Variants in NPAS3 observed in about 807,000 individuals in gnomAD.
NPAS3 encodes neuronal PAS domain-containing protein 3.
A neutral mutation model predicts 73.1 loss-of-function variants in NPAS3; 14 were observed. That is an observed-to-expected ratio of 0.19 (90% CI 0.13 to 0.30). The LOEUF (loss-of-function observed/expected upper bound fraction) is 0.30. Ranked by LOEUF, NPAS3 falls within the 10% of genes least tolerant of loss-of-function variation. The probability of loss-of-function intolerance (pLI) is 1.00; values close to 1 mark genes in which losing one functional copy is unlikely to be tolerated. For missense variants in NPAS3, 1,096 were observed against 1,250.0 expected (o/e 0.88, Z 1.86); for synonymous variants, 620 against 541.5 (o/e 1.14, Z -2.01).
chr14:33,677,537 C>T (rs2039854446), intron 6 of NPAS3, among the ~76,000 whole-genome samples: 1 of 151,442 alleles, frequency 6.6e-6, no homozygotes, highest in Admixed American at 6.6e-5. Flanking sequence ...TTAAGATTAA[C>T]ATTAAAATAA....
intron 5 of NPAS3, among the ~76,000 whole-genome samples, chr14:33,668,606 A>T (rs939132568): frequency 9.9e-5 from 15 of 152,222 alleles, no homozygotes; most frequent in Non-Finnish European, 2.2e-4. Context: ...ACTTGAGGCC[A>T]GCAGTTTGAG....
Position 33,680,677 on chromosome 14 carries a change from C to CTTCAGAGAGAACT in NPAS3, c.733+4293_733+4305dup, listed in dbSNP as rs1361863389. 3 of 701,808 alleles carry CTTCAGAGAGAACT rather than the reference C, an allele frequency of 4.3e-6. No individual in the cohort carries two copies. The South Asian group carries it at 4.5e-5, about 10-fold the overall frequency. The allele number at this position is 701,808 out of a possible 1,614,324, so 43.5% of individuals were successfully genotyped here. A position where few individuals can be genotyped will look rare whatever the true frequency, so the allele number is the denominator to read the frequency against. On this transcript the variant is annotated intron_variant, in intron 6 of 11. Transcript: ENST00000356141. Reference sequence around the variant, plus strand: ...TCAGGAAGAACATGCCTGGATCCTACTTCAGAGAGAACTCAGCCAGGGCAA... The same window carrying CTTCAGAGAGAACT: ...TCAGGAAGAACATGCCTGGATCCTACTTCAGAGAGAACTTTCAGAGAGAACTCAGCCAGGGCAA...
At chr14:33,074,573 T>C (rs972137237) in intron 2 of NPAS3, among the ~76,000 whole-genome samples, 1 of 152,100 alleles carries the variant, frequency 6.6e-6, no homozygotes, top group African/African-American at 2.4e-5. Context: ...CATGCCACCA[T>C]GCCCAGCTAA....
chr14:33,218,048 A>T (rs1464299442), intron 3 of NPAS3, among the ~76,000 whole-genome samples: 1 of 152,148 alleles, frequency 6.6e-6, no homozygotes, highest in Non-Finnish European at 1.5e-5. Flanking sequence ...TATGATTAAG[A>T]TGTATAAAAA....
At chr14:33,301,323 T>TATATATATATATATATATATATA (rs1555370644) in intron 3 of NPAS3, among the ~76,000 whole-genome samples, 16 of 81,550 alleles carry the variant, frequency 2.0e-4, no homozygotes, top group African/African-American at 2.9e-4. Context: ...TATATATATA[T>TATATATATATATATATATATATA]TTTTTTTTTT....
At chr14:33,675,594 G>C (rs1320195105) in intron 5 of NPAS3, among the ~76,000 whole-genome samples, 1 of 152,190 alleles carries the variant, frequency 6.6e-6, no homozygotes, top group Non-Finnish European at 1.5e-5. Context: ...TCAGACCCCA[G>C]CTGACCTCTT....
At chr14:33,079,817 G>T (rs1373220397) in intron 2 of NPAS3, among the ~76,000 whole-genome samples, 1 of 151,182 alleles carries the variant, frequency 6.6e-6, no homozygotes, top group African/African-American at 2.4e-5. Context: ...TCACCATGTT[G>T]GCCAGGCTGG....
chr14:33,801,223 C>A, downstream of NPAS3: 27 of 1,482,788 alleles, frequency 1.8e-5, no homozygotes, highest in South Asian at 3.4e-4. Context: ...CGTCTTCTCT[C>A]GCCACGACGG....
At chr14:33,394,863 CAT>C (rs1191038921) in intron 4 of NPAS3, among the ~76,000 whole-genome samples, 2 of 152,148 alleles carry the variant, frequency 1.3e-5, no homozygotes. Flanking sequence ...AGATGCTTAA[CAT>C]ATATTCCAAA....
chr14:33,300,086 T>C (rs2042468201), intron 3 of NPAS3, among the ~76,000 whole-genome samples: 1 of 152,226 alleles, frequency 6.6e-6, no homozygotes, highest in African/African-American at 2.4e-5. Flanking sequence ...GTATCTTTCT[T>C]TGTGATTAAA....
intron 4 of NPAS3, among the ~76,000 whole-genome samples, chr14:33,491,846 G>C (rs1966437681): frequency 6.6e-6 from 1 of 152,166 alleles, no homozygotes; most frequent in African/African-American, 2.4e-5. Flanking sequence ...GTGCTTGTGA[G>C]TGTGTGTATG....
At chr14:32,987,423 GA>G (rs960570083) in intron 1 of NPAS3, among the ~76,000 whole-genome samples, 2 of 151,732 alleles carry the variant, frequency 1.3e-5, no homozygotes, top group Non-Finnish European at 2.9e-5. Context: ...TCAGCTGCTT[GA>G]AAAAAATGTT....
intron 4 of NPAS3, among the ~76,000 whole-genome samples, chr14:33,459,914 A>G (rs2050185003): frequency 6.6e-6 from 1 of 152,148 alleles, no homozygotes; most frequent in African/African-American, 2.4e-5. Flanking sequence ...GGCTCTTTTA[A>G]CAGTAGAGAT....
chr14:33,153,363 G>T (rs1356214556), intron 2 of NPAS3, among the ~76,000 whole-genome samples: 1 of 152,102 alleles, frequency 6.6e-6, no homozygotes, highest in Non-Finnish European at 1.5e-5. Context: ...AGTGGTCTGG[G>T]TGAACCATGT....
chr14:33,031,674 A>G (rs969751929), intron 1 of NPAS3, among the ~76,000 whole-genome samples: 1 of 152,110 alleles, frequency 6.6e-6, no homozygotes, highest in Admixed American at 6.5e-5. Flanking sequence ...TTTTTTGTAG[A>G]GATGGGGCCT....
At position 33,520,032 on chromosome 14, in the gene NPAS3, G is replaced by T. The variant is rs553539049; in HGVS notation, c.469-40089G>T. On this transcript the variant is annotated intron_variant, in intron 4 of 11. Transcript: ENST00000356141. ...CCCCCACCCATCATCTATCCTCCTG[G>T]CATCTTTCCCCTGCTTCTGGTTTAA... Among the ~76,000 whole-genome samples the T allele has an allele frequency of 2.0e-5, 3 of 152,198 alleles. No homozygotes were observed. In the South Asian group the frequency reaches 6.2e-4, roughly 32 times the overall value.
chr14:33,188,524 A>T (rs909259133), intron 2 of NPAS3, among the ~76,000 whole-genome samples: 7 of 152,090 alleles, frequency 4.6e-5, no homozygotes, highest in African/African-American at 1.7e-4. Flanking sequence ...TATTTGTGTA[A>T]TTGTCTTTTA....
rs74801986 is a variant in NPAS3 at position 33,481,725 on chromosome 14, A to G, written c.469-78396A>G. Among the ~76,000 whole-genome samples, 7 of 152,280 alleles carry G rather than the reference A, an allele frequency of 4.6e-5. No homozygotes were observed. In the East Asian group the frequency reaches 1.4e-3, roughly 29 times the overall value. ...AACAAAGAACCAGGATCAAAGGGCC[A>G]CATTCAGAAACGCATAAAAGAATTT... On this transcript the variant is annotated intron_variant, in intron 4 of 11. Coordinates refer to ENST00000356141, the Ensembl canonical transcript of NPAS3.
chr14:33,781,955 C>T (rs955600547), intron 9 of NPAS3, among the ~76,000 whole-genome samples: 1 of 152,320 alleles, frequency 6.6e-6, no homozygotes, highest in East Asian at 1.9e-4. Flanking sequence ...ATCTACTCTT[C>T]CACTAAGTTA....
Sources: allele counts gnomAD v4.1 joint callset (sites outside exome capture counted in the v4.1 genomes callset), GRCh38; gene constraint gnomAD v4.1.1; transcripts MANE v1.5; gene names NCBI Gene and HGNC (gene_info 2026-07-23, HGNC 2026-07-21).